Variants in GASK1A observed in about 807,000 individuals in gnomAD.
GASK1A encodes the protein Golgi-associated kinase 1A.
In GASK1A, 40 loss-of-function variants were observed where a neutral mutation model predicts 41.2. That is an observed-to-expected ratio of 0.97 (90% CI 0.75 to 1.27). GASK1A has a LOEUF of 1.27. Among genes scored for constraint, GASK1A ranks in the 50% most tolerant of loss-of-function variants. The pLI is 0.00. For synonymous variants in GASK1A, 316 were observed against 307.1 expected (o/e 1.03, Z -0.30); for missense variants, 678 against 745.1 (o/e 0.91, Z 1.05).
At chr3:42,981,847 G>A (rs2089284269) in intron 1 of GASK1A, among the ~76,000 whole-genome samples, 1 of 152,118 alleles carries the variant, frequency 6.6e-6, no homozygotes. Flanking sequence ...TATATCACAT[G>A]CTATATCTCT....
At chr3:42,982,077 A>T (rs1360358105) in intron 1 of GASK1A, among the ~76,000 whole-genome samples, 1 of 152,232 alleles carries the variant, frequency 6.6e-6, no homozygotes, top group African/African-American at 2.4e-5. Context: ...AGAAAAGAGC[A>T]TTGAGCTGCA....
chr3:42,988,983 A>T (rs1435193854), intron 1 of GASK1A, among the ~76,000 whole-genome samples: 1 of 152,244 alleles, frequency 6.6e-6, no homozygotes, highest in African/African-American at 2.4e-5. Context: ...TCTGGCAAGG[A>T]TTTAAAAAGT....
intron 1 of GASK1A, among the ~76,000 whole-genome samples, chr3:43,009,615 T>C (rs1272464411): frequency 6.6e-6 from 1 of 152,210 alleles, no homozygotes; most frequent in Admixed American, 6.5e-5. Context: ...TCCTCAGCCA[T>C]AAAATGGTAT....
Position 42,986,215 on chromosome 3 carries a change from C to T in GASK1A, c.3+6570C>T, listed in dbSNP as rs556184082. Reference sequence around the variant, plus strand: ...AGGCATTATGCTGACTGGGAGAAACCAATCCTACTGGGTTACATACTGTGG... The same window carrying T: ...AGGCATTATGCTGACTGGGAGAAACTAATCCTACTGGGTTACATACTGTGG... On this transcript the variant is annotated intron_variant, in intron 1 of 4. Transcript: ENST00000430121. Among the ~76,000 whole-genome samples, 47 of 152,264 alleles carry T rather than the reference C, an allele frequency of 3.1e-4. No individual in the cohort carries two copies. The Middle Eastern group carries it at 0.01, about 33-fold the overall frequency.
intron 1 of GASK1A, among the ~76,000 whole-genome samples, chr3:43,026,713 A>G (rs2089548608): frequency 6.6e-6 from 1 of 152,220 alleles, no homozygotes. Flanking sequence ...AGTGAACAAA[A>G]TGAAATGAAA....
At chr3:43,041,460 T>G (rs921241562) in intron 2 of GASK1A, among the ~76,000 whole-genome samples, 5 of 152,270 alleles carry the variant, frequency 3.3e-5, no homozygotes, top group South Asian at 2.1e-4. Flanking sequence ...TTGATTTGCA[T>G]TTCTCTGATG....
intron 2 of GASK1A, among the ~76,000 whole-genome samples, chr3:43,041,470 G>A (rs932755629): frequency 6.6e-6 from 1 of 152,196 alleles, no homozygotes; most frequent in South Asian, 2.1e-4. Flanking sequence ...TTTCTCTGAT[G>A]GCCAGTGATG....
intron 1 of GASK1A, among the ~76,000 whole-genome samples, chr3:43,005,955 C>T (rs192208542): frequency 1.8e-4 from 27 of 152,238 alleles, no homozygotes; most frequent in Admixed American, 1.5e-3. Context: ...TTCAGGCATC[C>T]GCTGGGGGGC....
intron 2 of GASK1A, among the ~76,000 whole-genome samples, chr3:43,043,828 C>A (rs994037419): frequency 6.6e-6 from 1 of 152,072 alleles, no homozygotes; most frequent in Admixed American, 6.6e-5. Flanking sequence ...GGAAAAAAAT[C>A]AAATCTTGAA....
intron 1 of GASK1A, among the ~76,000 whole-genome samples, chr3:43,001,794 G>T (rs150404044): frequency 2.3e-3 from 351 of 152,264 alleles, no homozygotes; most frequent in African/African-American, 7.9e-3. Flanking sequence ...TTGCTTTGGA[G>T]GAAGAATTTC....
intron 2 of GASK1A, chr3:43,037,398 C>T: frequency 1.0e-6 from 1 of 955,026 alleles, no homozygotes; most frequent in Non-Finnish European, 1.7e-6. Flanking sequence ...TACAGACAGC[C>T]CTTGCCACAC....
At chr3:43,037,330 G>T (rs542668893) in intron 2 of GASK1A, 17 of 888,286 alleles carry the variant, frequency 1.9e-5, no homozygotes, top group South Asian at 1.4e-4. Flanking sequence ...CACTCTGAAA[G>T]TGCCTTGAAT....
Position 43,032,977 on chromosome 3 carries a change from G to A in GASK1A, c.714G>A (p.Gly238=), listed in dbSNP as rs781627439. The A allele has an allele frequency of 8.4e-6, 13 of 1,551,326 alleles. No individual in the cohort carries two copies. The highest frequency in any genetic ancestry group is 3.9e-5 in the Admixed American group (2 of 50,920). Residue 238 remains glycine (G), a synonymous_variant, in exon 2 of 5, where the codon GGG becomes GGA. Coordinates refer to ENST00000430121, the MANE Select transcript of GASK1A (RefSeq NM_001129908.3). ...QWPGSVEKLQ[G]SVWCDAETLL... is the part of the protein sequence containing the mutation. ...CTGGCTCTGTTGAGAAGCTGCAAGG[G>A]TCAGTATGGTGTGATGCTGAGACGC...
intron 1 of GASK1A, among the ~76,000 whole-genome samples, chr3:42,992,852 C>T (rs1226564716): frequency 6.6e-6 from 1 of 152,186 alleles, no homozygotes; most frequent in Non-Finnish European, 1.5e-5. Flanking sequence ...CCAGGGGTGC[C>T]TCGTGGTCAG....
chr3:42,997,380 G>A (rs1270743123), intron 1 of GASK1A, among the ~76,000 whole-genome samples: 1 of 150,374 alleles, frequency 6.7e-6, no homozygotes, highest in Non-Finnish European at 1.5e-5. Context: ...TGTTTCAAGT[G>A]TGAGGTATTA....
At chr3:43,053,826 A>C in intron 3 of GASK1A, 183 bp downstream of exon 3, 1 of 785,982 alleles carries the variant, frequency 1.3e-6, no homozygotes, top group Non-Finnish European at 2.2e-6. Context: ...AAGCTGACAA[A>C]ATGGAGCTTT....
chr3:43,023,321 G>A (rs756784329), intron 1 of GASK1A, among the ~76,000 whole-genome samples: 3 of 152,200 alleles, frequency 2.0e-5, no homozygotes, highest in Admixed American at 1.3e-4. Flanking sequence ...GAGGTAGCAC[G>A]GCCCTGCTGA....
chr3:43,048,885 G>T (rs2089675968), intron 2 of GASK1A, among the ~76,000 whole-genome samples: 1 of 152,142 alleles, frequency 6.6e-6, no homozygotes. Flanking sequence ...CCTGGATGAA[G>T]GAAAATTCAG....
At chr3:43,054,918 G>T (rs2089708753) in intron 3 of GASK1A, among the ~76,000 whole-genome samples, 2 of 152,204 alleles carry the variant, frequency 1.3e-5, no homozygotes, top group African/African-American at 4.8e-5. Context: ...AGGGGTGACT[G>T]AGTGTGTGTA....
Sources: allele counts gnomAD v4.1 joint callset (sites outside exome capture counted in the v4.1 genomes callset), GRCh38; gene constraint gnomAD v4.1.1; transcripts MANE v1.5; gene names NCBI Gene and HGNC (gene_info 2026-07-23, HGNC 2026-07-21).